The following PRKAR1A variants were observed in gnomAD, a reference collection of about 807,000 sequenced individuals.
The protein encoded by PRKAR1A is protein kinase cAMP-dependent type I regulatory subunit alpha, also known as cAMP-dependent protein kinase type I-alpha regulatory subunit.
In PRKAR1A, 3 loss-of-function variants were observed where a neutral mutation model predicts 52.0. The ratio of observed to expected loss-of-function variants is 0.06; its 90% CI spans 0.03 to 0.15. The LOEUF (loss-of-function observed/expected upper bound fraction) is 0.15. Among genes scored for constraint, PRKAR1A ranks in the 10% least tolerant of loss-of-function variants. PRKAR1A has a pLI of 1.00. For synonymous variants in PRKAR1A, 188 were observed against 168.4 expected, an observed-to-expected ratio of 1.12 and a Z score of -0.90; for missense variants, 240 against 477.4, an observed-to-expected ratio of 0.50 and a Z score of 4.63.
At chr17:68,525,721 A>G (rs772522630) in intron 6 of PRKAR1A, 33 bp from the exon 7 acceptor site, 4 of 1,611,422 alleles carry the variant, frequency 2.5e-6, no homozygotes, top group Non-Finnish European at 3.4e-6. Flanking sequence ...TGTATCTAGA[A>G]AATAAACTTT....
chr17:68,438,363 T>C, the PRKAR1A span, among the ~76,000 whole-genome samples: 45 of 152,340 alleles, frequency 3.0e-4, no homozygotes, highest in African/African-American at 1.0e-3. Context: ...TCTGAATTCT[T>C]TGCTATCCAA....
chr17:68,486,571 T>G, the PRKAR1A span, among the ~76,000 whole-genome samples: 1 of 146,464 alleles, frequency 6.8e-6, no homozygotes, highest in East Asian at 2.0e-4. Flanking sequence ...CTTTCTTTCT[T>G]CTTTCCTTCC....
the PRKAR1A span, among the ~76,000 whole-genome samples, chr17:68,464,742 C>G: frequency 6.6e-6 from 1 of 151,814 alleles, no homozygotes; most frequent in Admixed American, 6.6e-5. Flanking sequence ...AGGTTTATTC[C>G]TCTTATACTT....
the PRKAR1A span, among the ~76,000 whole-genome samples, chr17:68,431,026 C>T: frequency 1.3e-5 from 2 of 152,148 alleles, no homozygotes; most frequent in African/African-American, 4.8e-5. Flanking sequence ...GCTAGGTGCA[C>T]TGCTAGGGTT....
At position 68,532,931 on chromosome 17, in the gene PRKAR1A, G is replaced by C. The variant is rs2143411718; in HGVS notation, c.*2482G>C. 9.4e-7 allele frequency: 1 copy of C among 1,065,994 alleles called. No individual in the cohort carries two copies. The highest frequency in any genetic ancestry group is 5.0e-5 in the East Asian group (1 of 20,126). The allele number at this position is 1,065,994 out of a possible 1,614,324, so 66.0% of individuals were successfully genotyped here. A position where few individuals can be genotyped will look rare whatever the true frequency, so the allele number is the denominator to read the frequency against. ...TTTCAGTGCTTTTCAGTTTGTCAAA[G>C]AGTGGATCTCAAAATCTTGCTTAAA... is the stretch of plus-strand genomic sequence containing the variant. On this transcript the variant is annotated 3_prime_UTR_variant, in exon 11 of 11. Coordinates refer to ENST00000589228, the MANE Select transcript of PRKAR1A (RefSeq NM_002734.5).
the PRKAR1A span, chr17:68,420,325 C>T: frequency 4.9e-5 from 79 of 1,614,040 alleles, 1 homozygote; most frequent in South Asian, 4.7e-4. Flanking sequence ...CTGTGCTGCC[C>T]GAGGTCAGAA....
the PRKAR1A span, among the ~76,000 whole-genome samples, chr17:68,439,815 T>C: frequency 6.6e-6 from 1 of 152,186 alleles, no homozygotes; most frequent in East Asian, 1.9e-4. Flanking sequence ...TACCGTGATA[T>C]AGAGGTCTTT....
chr17:68,546,490 G>T (rs2086571917), intron 11 of PRKAR1A, among the ~76,000 whole-genome samples: 1 of 151,980 alleles, frequency 6.6e-6, no homozygotes, highest in African/African-American at 2.4e-5. Context: ...TTCATCAGAG[G>T]AATCACTAAC....
the PRKAR1A span, among the ~76,000 whole-genome samples, chr17:68,505,385 G>A: frequency 6.6e-6 from 1 of 152,194 alleles, no homozygotes; most frequent in Non-Finnish European, 1.5e-5. Context: ...GACCACAGGG[G>A]ATATTTGTGG....
chr17:68,503,951 T>C, the PRKAR1A span, among the ~76,000 whole-genome samples: 2 of 152,162 alleles, frequency 1.3e-5, no homozygotes, highest in Non-Finnish European at 2.9e-5. Flanking sequence ...GGAATGTCAA[T>C]TAGTACAACC....
rs2085959931 is a variant in PRKAR1A, at chr17:68,530,998, A to G, written c.*549A>G. 1 of 1,077,970 alleles carries G rather than the reference A, an allele frequency of 9.3e-7. No homozygotes were observed. Among genetic ancestry groups the G allele is most frequent in the Non-Finnish European group, 1.1e-6 (1 of 885,882 alleles). The allele number at this position is 1,077,970 out of a possible 1,614,324, so 66.8% of individuals were successfully genotyped here. On this transcript the variant is annotated 3_prime_UTR_variant, in exon 11 of 11. Transcript: ENST00000589228. ...GGGTGGAAAAATGCCCATTTTTGCTAATTATCAATGGGATATGATTGGTTC... is the reference window on the plus strand; with the variant it reads ...GGGTGGAAAAATGCCCATTTTTGCTGATTATCAATGGGATATGATTGGTTC...
the PRKAR1A span, among the ~76,000 whole-genome samples, chr17:68,438,210 G>A: frequency 6.6e-6 from 1 of 151,764 alleles, no homozygotes; most frequent in African/African-American, 2.4e-5. Context: ...GGGAGGAAGT[G>A]GCTGAGCCCC....
At chr17:68,437,493 G>A in the PRKAR1A span, among the ~76,000 whole-genome samples, 1 of 151,978 alleles carries the variant, frequency 6.6e-6, no homozygotes, top group Non-Finnish European at 1.5e-5. Context: ...GGTGGAGGCT[G>A]CAGTGAGTGA....
At chr17:68,461,512 A>G in the PRKAR1A span, among the ~76,000 whole-genome samples, 28 of 152,298 alleles carry the variant, frequency 1.8e-4, no homozygotes, top group African/African-American at 6.5e-4. This position sits in a 1 kb window ranked among gnomAD's most constrained non-coding sequence, Gnocchi z 4.6. Context: ...GCACCCAACC[A>G]TCTACAATTA....
chr17:68,513,637 C>G (rs2085341353), intron 1 of PRKAR1A, among the ~76,000 whole-genome samples: 1 of 152,128 alleles, frequency 6.6e-6, no homozygotes, highest in South Asian at 2.1e-4. Context: ...CAAATAAGTA[C>G]ACATAGAGAA....
the PRKAR1A span, chr17:68,420,707 G>C: frequency 1.9e-6 from 1 of 522,092 alleles, no homozygotes; most frequent in African/African-American, 1.9e-5. Context: ...TTTGGAGTCA[G>C]GCACAGGTGC....
chr17:68,516,399 T>C (rs1234917811), intron 2 of PRKAR1A, among the ~76,000 whole-genome samples: 2 of 152,146 alleles, frequency 1.3e-5, no homozygotes, highest in Non-Finnish European at 2.9e-5. Flanking sequence ...TGAGAGAAAC[T>C]TACTGATTTT....
the PRKAR1A span, among the ~76,000 whole-genome samples, chr17:68,464,565 C>T: frequency 6.6e-6 from 1 of 152,130 alleles, no homozygotes; most frequent in Admixed American, 6.5e-5. Flanking sequence ...CCTGTAGTCC[C>T]AGTTACTTGG....
chr17:68,418,897 G>A, the PRKAR1A span, among the ~76,000 whole-genome samples: 5 of 151,996 alleles, frequency 3.3e-5, no homozygotes, highest in African/African-American at 4.8e-5. Context: ...CAGAAGCAAA[G>A]TCAGTGTTTA....
Sources: allele counts gnomAD v4.1 joint callset (sites outside exome capture counted in the v4.1 genomes callset), GRCh38; gene constraint gnomAD v4.1.1; non-coding constraint Gnocchi (gnomAD v3.1); transcripts MANE v1.5; gene names NCBI Gene and HGNC (gene_info 2026-07-23, HGNC 2026-07-21).